HEATR5A: variants seen among roughly 807,000 people sequenced by gnomAD.
HEATR5A encodes the protein HEAT repeat-containing protein 5A.
A neutral mutation model predicts 218.8 loss-of-function variants in HEATR5A; 178 were observed. That is an observed-to-expected ratio of 0.81 (90% CI 0.72 to 0.92). The LOEUF (loss-of-function observed/expected upper bound fraction) is 0.92, where lower values mean the gene tolerates loss of function less well. Among genes scored for constraint, HEATR5A ranks in the 40% least tolerant of loss-of-function variants. The pLI is 0.00. For synonymous variants in HEATR5A, 864 were observed against 871.6 expected (o/e 0.99, Z 0.15); for missense variants, 2,420 against 2,418.9 (o/e 1.00, Z -0.01).
At chr14:31,354,016 G>T (rs1901329879) in intron 16 of HEATR5A, among the ~76,000 whole-genome samples, 1 of 151,852 alleles carries the variant, frequency 6.6e-6, no homozygotes, top group African/African-American at 2.4e-5. Context: ...AACCAGGATG[G>T]TCTTGATCTC....
At chr14:31,345,847 T>C (rs910716015) in intron 19 of HEATR5A, among the ~76,000 whole-genome samples, 1 of 152,102 alleles carries the variant, frequency 6.6e-6, no homozygotes, top group Non-Finnish European at 1.5e-5. Flanking sequence ...CGGGAGGTGG[T>C]TACATAATGT....
intron 31 of HEATR5A, among the ~76,000 whole-genome samples, chr14:31,306,161 T>C (rs902695555): frequency 1.3e-5 from 2 of 152,014 alleles, no homozygotes; most frequent in Non-Finnish European, 2.9e-5. Flanking sequence ...TAAACTAACA[T>C]GTAGAGGTGA....
chr14:31,383,868 T>C, intron 9 of HEATR5A, 97 bp from the exon 10 acceptor site: 2 of 927,230 alleles, frequency 2.2e-6, no homozygotes, highest in Non-Finnish European at 3.1e-6. Context: ...ATATAAAATA[T>C]ATTTTTATCA....
chr14:31,334,351 C>T (rs1900577411), intron 22 of HEATR5A: 1 of 451,692 alleles, frequency 2.2e-6, no homozygotes, highest in African/African-American at 2.0e-5. Context: ...ACAGCTGCCA[C>T]AGACGGATGG....
At chr14:31,301,203 C>T (rs902410642) in intron 33 of HEATR5A, among the ~76,000 whole-genome samples, 1 of 152,148 alleles carries the variant, frequency 6.6e-6, no homozygotes, top group Non-Finnish European at 1.5e-5. Context: ...CTACAACACA[C>T]TAGTGAAAAT....
intron 33 of HEATR5A, chr14:31,297,509 AC>A (rs1899226866): frequency 6.6e-6 from 1 of 152,568 alleles, no homozygotes; most frequent in African/African-American, 2.4e-5. Flanking sequence ...CAAACAAACA[AC>A]ATTCAAAGTA....
At chr14:31,300,725 A>G (rs960338805) in intron 33 of HEATR5A, among the ~76,000 whole-genome samples, 2 of 152,138 alleles carry the variant, frequency 1.3e-5, no homozygotes, top group African/African-American at 4.8e-5. Flanking sequence ...ATTTGTTGGG[A>G]AACTGTCACA....
At chr14:31,402,153 A>T (rs1199988603) in intron 2 of HEATR5A, among the ~76,000 whole-genome samples, 1 of 152,182 alleles carries the variant, frequency 6.6e-6, no homozygotes, top group Non-Finnish European at 1.5e-5. Context: ...TACTATTTTA[A>T]ATTCATAAAT....
chr14:31,304,721 A>G (rs1355663832), intron 32 of HEATR5A, among the ~76,000 whole-genome samples, 184 bp downstream of exon 32: 1 of 152,220 alleles, frequency 6.6e-6, no homozygotes, highest in Non-Finnish European at 1.5e-5. Flanking sequence ...CTAGCCCTCT[A>G]TATTTTTACT....
chr14:31,360,920 T>C (rs1238531578), intron 14 of HEATR5A, among the ~76,000 whole-genome samples: 7 of 152,154 alleles, frequency 4.6e-5, no homozygotes. Context: ...TCCTCCTGTC[T>C]CAGCCTCCTG....
At chr14:31,346,475 G>A (rs1292790590) in intron 19 of HEATR5A, among the ~76,000 whole-genome samples, 1 of 152,110 alleles carries the variant, frequency 6.6e-6, no homozygotes, top group Admixed American at 6.6e-5. Context: ...TGGTTATACT[G>A]GATCTTAAAA....
At chr14:31,354,264 C>A (rs118077791) in intron 16 of HEATR5A, among the ~76,000 whole-genome samples, 1 of 152,110 alleles carries the variant, frequency 6.6e-6, no homozygotes, top group African/African-American at 2.4e-5. Context: ...CATCTGTTAT[C>A]ATGAAATTGT....
chr14:31,365,638 C>A (rs1332404516), intron 13 of HEATR5A, among the ~76,000 whole-genome samples: 2 of 151,654 alleles, frequency 1.3e-5, no homozygotes, highest in East Asian at 3.9e-4. Context: ...GGGATACAGG[C>A]ATGAGCCACC....
intron 24 of HEATR5A, among the ~76,000 whole-genome samples, chr14:31,322,204 C>T (rs1900129661): frequency 6.6e-6 from 1 of 152,082 alleles, no homozygotes; most frequent in African/African-American, 2.4e-5. Flanking sequence ...AATGGTAATT[C>T]CTTTCATTCC....
chr14:31,381,647 A>G (rs2029990015), intron 10 of HEATR5A, among the ~76,000 whole-genome samples: 1 of 151,828 alleles, frequency 6.6e-6, no homozygotes, highest in South Asian at 2.1e-4. Flanking sequence ...TAGCCAGGCA[A>G]TGGAATTACG....
intron 16 of HEATR5A, 62 bp downstream of exon 16, chr14:31,358,575 C>CAACA: frequency 7.2e-7 from 1 of 1,394,288 alleles, no homozygotes; most frequent in Non-Finnish European, 9.9e-7. Flanking sequence ...AGATCTCTGG[C>CAACA]AACATTCTTC....
chr14:31,380,161 T>C (rs538588693), intron 11 of HEATR5A, among the ~76,000 whole-genome samples: 7 of 152,204 alleles, frequency 4.6e-5, no homozygotes, highest in Non-Finnish European at 1.0e-4. Flanking sequence ...AAGATGGATG[T>C]CAATGATTTT....
intron 11 of HEATR5A, among the ~76,000 whole-genome samples, 197 bp from the exon 12 acceptor site, chr14:31,375,165 C>A (rs969742088): frequency 6.6e-6 from 1 of 152,228 alleles, no homozygotes; most frequent in South Asian, 2.1e-4. Flanking sequence ...AGAGGAAAAA[C>A]AAAGAACTAA....
chr14:31,337,299 G>C lies in HEATR5A; in HGVS notation c.3367+177C>G, dbSNP rs1245880851. Among the ~76,000 whole-genome samples the C allele has an allele frequency of 2.6e-5, 4 of 152,296 alleles. No individual in the cohort carries two copies. In the South Asian group the frequency reaches 8.3e-4, roughly 32 times the overall value. ...ACACTGCTGGTTTGAAAACCAGTTTGAGAACCACCACTCTAAATCAGTAAC... is the reference window on the plus strand; with the variant it reads ...ACACTGCTGGTTTGAAAACCAGTTTCAGAACCACCACTCTAAATCAGTAAC... On this transcript the variant is annotated intron_variant, in intron 22 of 35. Coordinates refer to ENST00000543095, the MANE Select transcript of HEATR5A (RefSeq NM_015473.4).
Sources: gnomAD v4.1 joint callset for allele counts (sites outside exome capture counted in the v4.1 genomes callset) on GRCh38, gnomAD v4.1.1 for gene constraint, MANE v1.5 for transcripts, NCBI Gene and HGNC (gene_info 2026-07-23, HGNC 2026-07-21) for gene names.